Variants in ARFGEF1 observed in about 807,000 individuals in gnomAD.
ARFGEF1 encodes the protein ARF guanine nucleotide exchange factor 1, also known as brefeldin A-inhibited guanine nucleotide-exchange protein 1.
Under a neutral mutation model 231.0 loss-of-function variants are expected in ARFGEF1, and 42 were observed. The ratio of observed to expected loss-of-function variants is 0.18; its 90% CI spans 0.14 to 0.24. ARFGEF1 has a LOEUF of 0.24. Ranked by LOEUF, ARFGEF1 falls within the 10% of genes least tolerant of loss-of-function variation. ARFGEF1 has a pLI of 1.00. For synonymous variants in ARFGEF1, 710 were observed against 732.3 expected (o/e 0.97, Z 0.49); for missense variants, 1,345 against 2,192.0 (o/e 0.61, Z 7.72).
chr8:67,342,620 G>A (rs1371709673), intron 1 of ARFGEF1, among the ~76,000 whole-genome samples: 1 of 152,082 alleles, frequency 6.6e-6, no homozygotes, highest in Admixed American at 6.6e-5. Context: ...GGCGGAGGCG[G>A]AGAGATGTCA....
intron 1 of ARFGEF1, among the ~76,000 whole-genome samples, chr8:67,342,308 A>T (rs556039608): frequency 6.6e-6 from 1 of 152,248 alleles, no homozygotes; most frequent in Admixed American, 6.5e-5. Context: ...GGTAGGAGGT[A>T]TTGTTTGGAT....
chr8:67,264,176 G>A (rs549971931), intron 14 of ARFGEF1, among the ~76,000 whole-genome samples: 1 of 152,106 alleles, frequency 6.6e-6, no homozygotes, highest in South Asian at 2.1e-4. Context: ...AGTTAAGCAT[G>A]GGAAAAGACT....
At position 67,198,921 on chromosome 8, in the gene ARFGEF1, T is replaced by C. The variant is rs1310273474; in HGVS notation, c.*13A>G. Reference sequence around the variant, plus strand: ...AGAGGGATGTAAATGCCAACAAAAATATTAAGTTCCCATCATTGCTTGTTT... The same window carrying C: ...AGAGGGATGTAAATGCCAACAAAAACATTAAGTTCCCATCATTGCTTGTTT... On this transcript the variant is annotated 3_prime_UTR_variant, in exon 39 of 39. Coordinates refer to ENST00000262215, the MANE Select transcript of ARFGEF1 (RefSeq NM_006421.5). 2.5e-6 allele frequency: 4 copies of C among 1,610,508 alleles called. No individual in the cohort carries two copies. In the South Asian group the frequency reaches 3.3e-5, roughly 13 times the overall value.
intron 17 of ARFGEF1, among the ~76,000 whole-genome samples, chr8:67,254,900 TAAA>T: frequency 7.0e-6 from 1 of 141,980 alleles, no homozygotes; most frequent in Admixed American, 7.0e-5. Context: ...GTCATGGCAC[TAAA>T]AAAAAAAAAT....
chr8:67,209,248 T>C (rs772401741), intron 34 of ARFGEF1, among the ~76,000 whole-genome samples: 5 of 144,780 alleles, frequency 3.5e-5, no homozygotes, highest in Non-Finnish European at 7.5e-5. Context: ...AGTGGACTAT[T>C]AGTAATAAAA....
At position 67,343,022 on chromosome 8, in the gene ARFGEF1, G is replaced by C. The variant is rs924298056; in HGVS notation, c.124+142C>G. The C allele has an allele frequency of 1.4e-5, 14 of 968,006 alleles. No homozygotes were observed. In the African/African-American group the frequency reaches 2.3e-4, roughly 16 times the overall value. The allele number at this position is 968,006 out of a possible 1,614,324, so 60.0% of individuals were successfully genotyped here. A position where few individuals can be genotyped will look rare whatever the true frequency, so the allele number is the denominator to read the frequency against. On this transcript the variant is annotated intron_variant, in intron 1 of 38. Transcript: ENST00000262215. ...GCCGAGTTCCTGTCAACTCCAGACAGGGAACAGAGGGCTCCGCGAGGGCTT... is the reference window on the plus strand; with the variant it reads ...GCCGAGTTCCTGTCAACTCCAGACACGGAACAGAGGGCTCCGCGAGGGCTT...
rs556366144 is a variant in ARFGEF1, at chr8:67,202,971, T to C, written c.5128+112A>G. On this transcript the variant is annotated intron_variant, in intron 36 of 38. Transcript: ENST00000262215. ...TTATTACTGTTAAGGTCAGAGTACA[T>C]ATAGTGACATGCACAGACCTATAGC... The C allele has an allele frequency of 3.6e-6, 4 of 1,116,624 alleles. No homozygotes were observed. The South Asian group carries it at 6.6e-5, about 18-fold the overall frequency. 69.2% of individuals were successfully genotyped at this position (1,116,624 alleles called of 1,614,324 possible).
Position 67,244,275 on chromosome 8 carries a change from A to G in ARFGEF1, c.2851-3985T>C. Among the ~76,000 whole-genome samples the G allele has an allele frequency of 1.8e-4, 2 of 11,078 alleles. 1 individual carries two copies. The highest frequency in any genetic ancestry group is 2.9e-4 in the Non-Finnish European group (2 of 6,880). The allele number at this position is 11,078 out of a possible 152,430, so 7.3% of individuals were successfully genotyped here. ...AAAAAAAAAAAAAAAAAAACATTCGACTACTGAGTCTCTCGTCTCTCTCTC... is the reference window on the plus strand; with the variant it reads ...AAAAAAAAAAAAAAAAAAACATTCGGCTACTGAGTCTCTCGTCTCTCTCTC... On this transcript the variant is annotated intron_variant, in intron 19 of 38. Coordinates refer to ENST00000262215, the MANE Select transcript of ARFGEF1 (RefSeq NM_006421.5).
In ARFGEF1 at chr8:67,200,732, AC is replaced by A. The variant is rs1464179474; in HGVS notation, c.5268-220del. 1.2e-4 allele frequency among the ~76,000 whole-genome samples: 19 copies of A among 152,072 alleles called. 1 individual carries two copies. Among genetic ancestry groups the A allele is most frequent in the African/African-American group, 4.1e-4 (17 of 41,482 alleles). On this transcript the variant is annotated intron_variant, in intron 37 of 38. Transcript: ENST00000262215. ...AGAAGCCATTGTAACTTACCAGGAA[AC>A]CCACATTTTCCTAATTTTCTAAGTT...
At chr8:67,295,948 A>ATCC (rs1806213904) in intron 5 of ARFGEF1, among the ~76,000 whole-genome samples, 1 of 152,198 alleles carries the variant, frequency 6.6e-6, no homozygotes, top group African/African-American at 2.4e-5. Flanking sequence ...ATTTAAAAAC[A>ATCC]ATTCTCTAGT....
At chr8:67,281,600 AT>A (rs1280432906) in intron 7 of ARFGEF1, among the ~76,000 whole-genome samples, 1 of 152,136 alleles carries the variant, frequency 6.6e-6, no homozygotes, top group East Asian at 1.9e-4. Flanking sequence ...AGCCAATGTA[AT>A]GTAACAAAAA....
intron 1 of ARFGEF1, among the ~76,000 whole-genome samples, chr8:67,325,049 G>C (rs1256012301): frequency 1.3e-5 from 2 of 152,058 alleles, no homozygotes; most frequent in African/African-American, 2.4e-5. Context: ...GAACAGCTGG[G>C]ATTATAGGTA....
At chr8:67,320,363 G>A (rs748545725) in intron 1 of ARFGEF1, among the ~76,000 whole-genome samples, 1 of 151,772 alleles carries the variant, frequency 6.6e-6, no homozygotes, top group Non-Finnish European at 1.5e-5. Context: ...CCCAAGAGTC[G>A]GTAAGGATAT....
At chr8:67,227,089 T>A (rs1839399607) in intron 27 of ARFGEF1, 48 bp downstream of exon 27, 1 of 1,509,530 alleles carries the variant, frequency 6.6e-7, no homozygotes, top group Non-Finnish European at 9.0e-7. Context: ...ACGTTAAGGT[T>A]GCTTTTTTTT....
chr8:67,290,994 T>C (rs1455494374), intron 6 of ARFGEF1, among the ~76,000 whole-genome samples: 1 of 152,068 alleles, frequency 6.6e-6, no homozygotes, highest in Non-Finnish European at 1.5e-5. Flanking sequence ...GAAAACATAT[T>C]ACAGAAATCC....
At chr8:67,199,793 A>G (rs1838257103) in intron 38 of ARFGEF1, 2 of 163,026 alleles carry the variant, frequency 1.2e-5, no homozygotes, top group South Asian at 3.3e-4. Flanking sequence ...ACAGCAAAGC[A>G]GCCTGTATGT....
chr8:67,312,524 TAACAAAAA>T (rs1226322927), intron 1 of ARFGEF1, among the ~76,000 whole-genome samples: 3 of 151,770 alleles, frequency 2.0e-5, no homozygotes, highest in Non-Finnish European at 2.9e-5. Flanking sequence ...AGATGAAGGA[TAACAAAAA>T]AAACAAACAA....
intron 1 of ARFGEF1, among the ~76,000 whole-genome samples, chr8:67,310,830 C>T (rs572807963): frequency 5.9e-5 from 9 of 151,722 alleles, no homozygotes; most frequent in South Asian, 2.1e-4. Context: ...GCAACCACCC[C>T]GTCTGAGAAG....
At chr8:67,179,798 G>A in intron 5 of ARFGEF1, 1 of 1,090,700 alleles carries the variant, frequency 9.2e-7, no homozygotes, top group Non-Finnish European at 1.4e-6. Context: ...CCTCTTCTTA[G>A]TATAAATTTG....
Sources: gnomAD v4.1 joint callset for allele counts (sites outside exome capture counted in the v4.1 genomes callset) on GRCh38, gnomAD v4.1.1 for gene constraint, MANE v1.5 for transcripts, NCBI Gene and HGNC (gene_info 2026-07-23, HGNC 2026-07-21) for gene names.